The following SMG1 variants were observed in gnomAD, a reference collection of about 807,000 sequenced individuals.
SMG1 encodes the protein serine/threonine-protein kinase SMG1.
A neutral mutation model predicts 419.9 loss-of-function variants in SMG1; 22 were observed. The ratio of observed to expected loss-of-function variants is 0.05; its 90% CI spans 0.04 to 0.07. SMG1 has a LOEUF of 0.07. Ranked by LOEUF, SMG1 falls within the 10% of genes least tolerant of loss-of-function variation. The probability of loss-of-function intolerance (pLI) is 1.00; values close to 1 mark genes in which losing one functional copy is unlikely to be tolerated. For missense variants in SMG1, 3,185 were observed against 4,342.0 expected, an observed-to-expected ratio of 0.73 and a Z score of 7.49; for synonymous variants, 1,538 against 1,553.5, an observed-to-expected ratio of 0.99 and a Z score of 0.23.
chr16:18,820,450 C>T (rs2032423721), intron 55 of SMG1, among the ~76,000 whole-genome samples: 1 of 152,140 alleles, frequency 6.6e-6, no homozygotes, highest in African/African-American at 2.4e-5. Flanking sequence ...GCAATCCACC[C>T]ACCTCGGCCT....
intron 18 of SMG1, 61 bp from the exon 19 acceptor site, chr16:18,870,055 T>A: frequency 9.2e-7 from 1 of 1,088,082 alleles, no homozygotes; most frequent in Non-Finnish European, 1.3e-6. Flanking sequence ...TAGCACATAC[T>A]GTAAGTGGAT....
intron 1 of SMG1, among the ~76,000 whole-genome samples, chr16:18,915,718 C>T (rs995147033): frequency 7.2e-5 from 11 of 152,032 alleles, no homozygotes; most frequent in African/African-American, 2.2e-4. Flanking sequence ...CATATCTGTA[C>T]CTTGACTGAG....
intron 39 of SMG1, among the ~76,000 whole-genome samples, chr16:18,844,353 C>T (rs974647967): frequency 6.0e-5 from 9 of 151,152 alleles, no homozygotes; most frequent in Non-Finnish European, 8.9e-5. Flanking sequence ...CACTTAAACC[C>T]GGGAGGCAGA....
chr16:18,813,650 G>A (rs2141086955), intron 60 of SMG1, among the ~76,000 whole-genome samples: 1 of 152,286 alleles, frequency 6.6e-6, no homozygotes, highest in Middle Eastern at 3.4e-3. Flanking sequence ...TTGCTGTGCA[G>A]AAGCTCTTTA....
At chr16:18,854,013 CT>C (rs2034755187) in intron 30 of SMG1, 146 bp from the exon 31 acceptor site, 1 of 714,656 alleles carries the variant, frequency 1.4e-6, no homozygotes, top group African/African-American at 1.8e-5. Flanking sequence ...TAGGAGGCTC[CT>C]ACTGTCTTAG....
Position 18,829,914 on chromosome 16 carries a change from G to A in SMG1, c.9133+12C>T, listed in dbSNP as rs2033049470. ...ATAGCTAAAGCTAGTATGTTTACAGGTAGAATATTACCTGACAATGTTTTA... is the reference window on the plus strand; with the variant it reads ...ATAGCTAAAGCTAGTATGTTTACAGATAGAATATTACCTGACAATGTTTTA... On this transcript the variant is annotated intron_variant, in intron 53 of 62. Transcript: ENST00000446231. The A allele has an allele frequency of 6.5e-7, 1 of 1,526,792 alleles. No individual in the cohort carries two copies. Among genetic ancestry groups the A allele is most frequent in the Non-Finnish European group, 8.8e-7 (1 of 1,139,068 alleles). The allele number at this position is 1,526,792 out of a possible 1,614,324, so 94.6% of individuals were successfully genotyped here.
intron 1 of SMG1, among the ~76,000 whole-genome samples, chr16:18,898,410 TC>T (rs2037218879): frequency 6.7e-6 from 1 of 148,292 alleles, no homozygotes; most frequent in African/African-American, 2.4e-5. Flanking sequence ...CTATGGAATT[TC>T]AAGAAAAATG....
At chr16:18,899,365 G>C (rs1202273914) in intron 1 of SMG1, among the ~76,000 whole-genome samples, 5 of 151,490 alleles carry the variant, frequency 3.3e-5, no homozygotes, top group African/African-American at 7.3e-5. Flanking sequence ...TGTGTTTTCA[G>C]AAATATAACA....
chr16:18,873,657 T>C (rs935402729), intron 13 of SMG1, among the ~76,000 whole-genome samples: 3 of 152,244 alleles, frequency 2.0e-5, no homozygotes, highest in East Asian at 1.9e-4. Flanking sequence ...CCATGGACCA[T>C]AGTTTGCCGA....
In SMG1 at chr16:18,870,830, G is replaced by A. The variant is rs1458678417; in HGVS notation, c.2361C>T (p.Ser787=). Residue 787 remains serine, a synonymous_variant, in exon 17 of 63, where the codon TCC becomes TCT. Transcript: ENST00000446231. ...GTAAAAGATCATCTGGCAAGGAAGA[G>A]GACAGAGCATGTAGACTGCTGCATG... ...LQACSSLHAL[S]SSLPDDLLQR... The A allele has an allele frequency of 1.8e-5, 28 of 1,588,944 alleles. No homozygotes were observed. The highest frequency in any genetic ancestry group is 1.9e-5 in the Non-Finnish European group (22 of 1,167,542).
intron 11 of SMG1, chr16:18,878,606 CAAA>C (rs35169039): frequency 7.1e-5 from 7 of 98,582 alleles, no homozygotes; most frequent in Non-Finnish European, 1.1e-4. Context: ...GATCCTGTGA[CAAA>C]AAAAAAAAAA....
intron 8 of SMG1, among the ~76,000 whole-genome samples, 171 bp from the exon 9 acceptor site, chr16:18,884,338 T>C (rs1447082034): frequency 1.3e-5 from 2 of 152,190 alleles, no homozygotes; most frequent in Admixed American, 6.5e-5. Context: ...CTGATCACAA[T>C]TAACCAATAC....
intron 38 of SMG1, 119 bp from the exon 39 acceptor site, chr16:18,845,770 A>ACAAAG: frequency 1.5e-6 from 1 of 666,496 alleles, no homozygotes; most frequent in Non-Finnish European, 2.5e-6. Context: ...ATAAGTCTAA[A>ACAAAG]TAAAGCAATA....
At position 18,811,863 on chromosome 16, in the gene SMG1, C is replaced by T; in HGVS notation, c.10806G>A (p.Val3602=). ...TCACTGCATAGGAGTTTCTCTCTTG[C>T]ACCGCTATGAAGCAACAAAAACATA... ...AVRDPKTGKA[V]QERNSYAVSV... Residue 3602 remains valine (V), a synonymous_variant, in exon 62 of 63, where the codon GTG becomes GTA. Coordinates refer to ENST00000446231, the MANE Select transcript of SMG1 (RefSeq NM_015092.5). 1 of 1,613,948 alleles carries T rather than the reference C, an allele frequency of 6.2e-7. No individual in the cohort carries two copies. Among genetic ancestry groups the T allele is most frequent in the Non-Finnish European group, 8.5e-7 (1 of 1,179,876 alleles).
At chr16:18,850,608 C>T in intron 33 of SMG1, 141 bp from the exon 34 acceptor site, 1 of 614,062 alleles carries the variant, frequency 1.6e-6, no homozygotes, top group Non-Finnish European at 2.9e-6. Context: ...CACAGTAAGT[C>T]AATGTCAGTA....
At chr16:18,853,527 C>A (rs919254091) in intron 31 of SMG1, 56 bp downstream of exon 31, 3 of 1,406,162 alleles carry the variant, frequency 2.1e-6, no homozygotes, top group South Asian at 3.1e-5. Flanking sequence ...AACTTTAAAA[C>A]AGAAAAAAAT....
chr16:18,863,659 T>G lies in SMG1; in HGVS notation c.3686A>C (p.Asn1229Thr). 1.3e-6 allele frequency: 2 copies of G among 1,594,392 alleles called. No individual in the cohort carries two copies. Among genetic ancestry groups the G allele is most frequent in the Non-Finnish European group, 1.7e-6 (2 of 1,177,902 alleles). Residue 1229 changes from asparagine (N) to threonine (T), a missense_variant, in exon 25 of 63, where the codon AAC becomes ACC. This residue lies in a region of SMG1 where 120 missense variants were observed against 193.3 expected (regional missense o/e 0.62). Transcript: ENST00000446231. Reference sequence around the variant, plus strand: ...AAAAAGTAAGCCTTACTTTATATAGTTGAAGTCAGCTTTCAGGTTGAGGGA... The same window carrying G: ...AAAAAGTAAGCCTTACTTTATATAGGTGAAGTCAGCTTTCAGGTTGAGGGA... ...STSLNLKADF[N>T]YIKSLSSFES...
intron 54 of SMG1, 38 bp downstream of exon 54, chr16:18,829,248 A>G: frequency 2.0e-6 from 3 of 1,525,798 alleles, no homozygotes; most frequent in South Asian, 1.2e-5. Flanking sequence ...CAAGTTTCCT[A>G]CCTTGAGGAA....
chr16:18,814,426 G>A (rs1181662198), intron 60 of SMG1, among the ~76,000 whole-genome samples: 1 of 150,594 alleles, frequency 6.6e-6, no homozygotes, highest in Non-Finnish European at 1.5e-5. Flanking sequence ...TTGAATCTGG[G>A]GGGTGGAGGT....
Sources: gnomAD v4.1 joint callset for allele counts (sites outside exome capture counted in the v4.1 genomes callset) on GRCh38, gnomAD v4.1.1 for gene constraint, gnomAD v4.1.1 regional missense constraint, MANE v1.5 for transcripts, NCBI Gene and HGNC (gene_info 2026-07-23, HGNC 2026-07-21) for gene names.